The following EPHX4 variants were observed in gnomAD, a reference collection of about 807,000 sequenced individuals.
EPHX4 encodes abhydrolase domain containing 7.
EPHX4 carries 31 observed loss-of-function variants against 44.9 expected under a neutral mutation model. The ratio of observed to expected loss-of-function variants is 0.69; its 90% CI spans 0.52 to 0.93. The LOEUF (loss-of-function observed/expected upper bound fraction) is 0.93, where lower values mean the gene tolerates loss of function less well. EPHX4 is among the 40% of genes least tolerant of loss of function. The pLI, the probability that EPHX4 is intolerant of heterozygous loss-of-function variation, is 0.00. For synonymous variants in EPHX4, 151 were observed against 159.7 expected (o/e 0.95, Z 0.41); for missense variants, 373 against 438.1 (o/e 0.85, Z 1.33).
chr1:92,040,096 A>G (rs544988810), intron 2 of EPHX4, among the ~76,000 whole-genome samples: 1 of 152,220 alleles, frequency 6.6e-6, no homozygotes, highest in East Asian at 1.9e-4. Context: ...ATAGATCAAA[A>G]AATTCTATAT....
intron 6 of EPHX4, among the ~76,000 whole-genome samples, chr1:92,056,024 A>C (rs1222145854): frequency 6.6e-6 from 1 of 152,164 alleles, no homozygotes; most frequent in Non-Finnish European, 1.5e-5. Flanking sequence ...AAAGAGAATG[A>C]GAGCGAGCAG....
chr1:92,058,371 G>GT (rs1477289958), intron 6 of EPHX4, among the ~76,000 whole-genome samples: 1 of 151,838 alleles, frequency 6.6e-6, no homozygotes, highest in Non-Finnish European at 1.5e-5. Flanking sequence ...AACCTGGGAG[G>GT]TGGAGGTTGT....
rs759359412 is a variant in EPHX4 at position 92,045,606 on chromosome 1, G to A, written c.550G>A (p.Glu184Lys). ...TTGGCTAATTGCCATCTGTTATCCT[G>A]AAATGGTGATGAAGCTTATTGTTAT... is the stretch of plus-strand genomic sequence containing the variant. The part of the protein sequence containing the change: ...IAWLIAICYP[E>K]MVMKLIVINF... Residue 184 changes from glutamate to lysine, a missense_variant, in exon 4 of 7, where the codon GAA becomes AAA. Coordinates refer to ENST00000370383, the MANE Select transcript of EPHX4 (RefSeq NM_173567.5). The A allele has an allele frequency of 3.1e-6, 5 of 1,613,936 alleles. No individual in the cohort carries two copies. Among genetic ancestry groups the A allele is most frequent in the Middle Eastern group, 3.3e-4 (2 of 6,084 alleles).
At chr1:92,051,289 T>A (rs1234502142) in intron 5 of EPHX4, among the ~76,000 whole-genome samples, 1 of 151,812 alleles carries the variant, frequency 6.6e-6, no homozygotes, top group African/African-American at 2.4e-5. Flanking sequence ...CCTAACAGAA[T>A]AAATGACAAC....
intron 6 of EPHX4, among the ~76,000 whole-genome samples, chr1:92,054,297 T>A (rs1647318655): frequency 6.6e-6 from 1 of 152,034 alleles, no homozygotes; most frequent in Non-Finnish European, 1.5e-5. Context: ...GAGTTCATAA[T>A]CCAAATTTAA....
intron 2 of EPHX4, among the ~76,000 whole-genome samples, chr1:92,034,249 G>A (rs576222530): frequency 3.5e-5 from 5 of 142,708 alleles, no homozygotes. Flanking sequence ...GCAGTGAGCC[G>A]AGCTCGTGCC....
chr1:92,043,119 G>T (rs553986927), intron 3 of EPHX4, 139 bp downstream of exon 3: 1 of 646,400 alleles, frequency 1.5e-6, no homozygotes, highest in South Asian at 2.3e-5. Context: ...GTTTCAGTTA[G>T]TCAGCCCAAA....
chr1:92,045,192 C>G (rs1406923410), intron 3 of EPHX4, among the ~76,000 whole-genome samples: 2 of 151,928 alleles, frequency 1.3e-5, no homozygotes, highest in African/African-American at 4.8e-5. Context: ...TGCTATGTTG[C>G]CCAGGCTGGT....
intron 3 of EPHX4, chr1:92,043,189 A>G (rs1421331984): frequency 2.4e-6 from 1 of 419,014 alleles, no homozygotes; most frequent in African/African-American, 2.0e-5. Context: ...CTACCAGCCA[A>G]GAATGACTTT....
At chr1:92,049,482 T>C (rs1347825885) in intron 4 of EPHX4, among the ~76,000 whole-genome samples, 1 of 152,232 alleles carries the variant, frequency 6.6e-6, no homozygotes, top group Non-Finnish European at 1.5e-5. Context: ...AGTTCATTGT[T>C]TGTGGGAACC....
At chr1:92,049,649 G>A (rs985793716) in intron 4 of EPHX4, among the ~76,000 whole-genome samples, 2 of 152,158 alleles carry the variant, frequency 1.3e-5, no homozygotes, top group African/African-American at 2.4e-5. Flanking sequence ...GAATCAACTT[G>A]TAAGGAAAAT....
chr1:92,033,498 A>C (rs1408035060), intron 2 of EPHX4, among the ~76,000 whole-genome samples: 1 of 152,042 alleles, frequency 6.6e-6, no homozygotes, highest in African/African-American at 2.4e-5. Flanking sequence ...GATTGTTATT[A>C]GGAAGATTTT....
At chr1:92,055,541 C>T (rs1391265477) in intron 6 of EPHX4, among the ~76,000 whole-genome samples, 1 of 152,066 alleles carries the variant, frequency 6.6e-6, no homozygotes, top group Non-Finnish European at 1.5e-5. Flanking sequence ...TTGTAGGTAA[C>T]AGTTTATCAA....
intron 6 of EPHX4, among the ~76,000 whole-genome samples, chr1:92,058,807 T>A (rs1301930015): frequency 6.6e-6 from 1 of 152,186 alleles, no homozygotes; most frequent in African/African-American, 2.4e-5. Flanking sequence ...ATTAAAATGG[T>A]ATAATACTTG....
chr1:92,048,890 A>G (rs1277760531), intron 4 of EPHX4, among the ~76,000 whole-genome samples: 1 of 151,778 alleles, frequency 6.6e-6, no homozygotes, highest in Non-Finnish European at 1.5e-5. Context: ...TTTTGTAGAG[A>G]CAGTATCTTG....
chr1:92,037,065 T>G (rs1688449300), intron 2 of EPHX4, among the ~76,000 whole-genome samples: 1 of 152,218 alleles, frequency 6.6e-6, no homozygotes, highest in South Asian at 2.1e-4. Context: ...CAAAAAAACT[T>G]CATGCATGGC....
chr1:92,038,369 G>A (rs950075073), intron 2 of EPHX4, among the ~76,000 whole-genome samples: 7 of 152,328 alleles, frequency 4.6e-5, no homozygotes, highest in Admixed American at 4.6e-4. Flanking sequence ...GGGACCGTTA[G>A]CTGTCATTGT....
At chr1:92,052,406 A>G (rs1235868331) in intron 5 of EPHX4, 104 bp from the exon 6 acceptor site, 6 of 1,047,766 alleles carry the variant, frequency 5.7e-6, no homozygotes, top group Non-Finnish European at 8.3e-6. Context: ...AGAAATTAGG[A>G]GTTGTCACCA....
chr1:92,046,578 C>T (rs1688584474), intron 4 of EPHX4, among the ~76,000 whole-genome samples: 1 of 152,042 alleles, frequency 6.6e-6, no homozygotes. Flanking sequence ...ATTCTCCTGC[C>T]TCAGCCTCCC....
Sources: allele counts gnomAD v4.1 joint callset (sites outside exome capture counted in the v4.1 genomes callset), GRCh38; gene constraint gnomAD v4.1.1; transcripts MANE v1.5; gene names NCBI Gene and HGNC (gene_info 2026-07-23, HGNC 2026-07-21).